CHD6: variants seen among roughly 807,000 people sequenced by gnomAD.
The protein encoded by CHD6 is chromodomain helicase DNA binding protein 6.
Under a neutral mutation model 276.9 loss-of-function variants are expected in CHD6, and 50 were observed. The observed-to-expected ratio is 0.18, with a 90% CI of 0.14 to 0.23. CHD6 has a LOEUF of 0.23. Ranked by LOEUF, CHD6 falls within the 10% of genes least tolerant of loss-of-function variation. The pLI, the probability that CHD6 is intolerant of heterozygous loss-of-function variation, is 1.00. For missense variants in CHD6, 2,564 were observed against 3,365.8 expected, an observed-to-expected ratio of 0.76 and a Z score of 5.89; for synonymous variants, 1,173 against 1,229.3, an observed-to-expected ratio of 0.95 and a Z score of 0.96.
rs751383314 is a variant in CHD6, at chr20:41,451,923, G to A, written c.3426C>T (p.Val1142=). 58 of 1,613,914 alleles carry A rather than the reference G, an allele frequency of 3.6e-5. 1 individual carries two copies. Among genetic ancestry groups the A allele is most frequent in the Non-Finnish European group, 1.7e-6 (2 of 1,179,986 alleles). The change falls in exon 22 of 37, where the codon GTC becomes GTT. Residue 1142 remains valine (V), a synonymous_variant. Transcript: ENST00000373233. ...MICRALLVYC[V]KHYKGDEKIK... Reference sequence around the variant, plus strand: ...TCTTCTCGTCCCCCTTATAATGCTTGACACAGTACACCAGGAGGGCACGGC... The same window carrying A: ...TCTTCTCGTCCCCCTTATAATGCTTAACACAGTACACCAGGAGGGCACGGC...
intron 1 of CHD6, among the ~76,000 whole-genome samples, chr20:41,592,565 C>T (rs1042681323): frequency 7.9e-5 from 12 of 152,156 alleles, no homozygotes; most frequent in East Asian, 7.7e-4. Flanking sequence ...TTAAAGACAA[C>T]GAGTACACAT....
intron 1 of CHD6, among the ~76,000 whole-genome samples, chr20:41,557,102 AT>A (rs1470811748): frequency 1.3e-5 from 2 of 152,260 alleles, no homozygotes; most frequent in Non-Finnish European, 2.9e-5. Flanking sequence ...AATACAGATA[AT>A]TCTACAGATA....
At chr20:41,457,231 C>A (rs746118747) in intron 18 of CHD6, 33 bp downstream of exon 18, 1 of 1,598,500 alleles carries the variant, frequency 6.3e-7, no homozygotes, top group Non-Finnish European at 8.6e-7. Context: ...ACCAATGTTC[C>A]TTAAGACTCC....
intron 1 of CHD6, among the ~76,000 whole-genome samples, chr20:41,594,597 A>G (rs566866690): frequency 5.3e-5 from 8 of 152,378 alleles, no homozygotes; most frequent in South Asian, 4.1e-4. Flanking sequence ...GCCAGAAACA[A>G]TAAGTTCCTC....
In CHD6 at chr20:41,514,818, G is replaced by C. The variant is rs1448348744; in HGVS notation, c.689C>G (p.Ser230Cys). 3.1e-6 allele frequency: 5 copies of C among 1,613,828 alleles called. No homozygotes were observed. Among genetic ancestry groups the C allele is most frequent in the Non-Finnish European group, 4.2e-6 (5 of 1,179,924 alleles). ...TCACAGCTGTACCTGGCTGTCTGTA[G>C]ACTCAGTGGACTCCTCAGGACTCCG... The part of the protein sequence containing the change: ...SLRSPEESTE[S>C]TDSQKRRSGR... The change falls in exon 4 of 37, where the codon TCT becomes TGT. Residue 230 changes from serine (S) to cysteine (C), a missense_variant. This residue lies in a region of CHD6 where 286 missense variants were observed against 297.8 expected (regional missense o/e 0.96). Transcript: ENST00000373233.
At position 41,447,757 on chromosome 20, in the gene CHD6, C is replaced by A. The variant is rs909883; in HGVS notation, c.3773+125G>T. ...TTGCCTGTTCTCCCATCTGGGACAC[C>A]GGTCCTGGGCAGGGGGTAGGAGGAA... is the stretch of plus-strand genomic sequence containing the variant. On this transcript the variant is annotated intron_variant, in intron 24 of 36. Coordinates refer to ENST00000373233, the MANE Select transcript of CHD6 (RefSeq NM_032221.5). 1.3e-5 allele frequency: 7 copies of A among 546,276 alleles called. No individual in the cohort carries two copies. The Admixed American group carries it at 1.9e-4, about 15-fold the overall frequency. 33.8% of individuals were successfully genotyped at this position (546,276 alleles called of 1,614,324 possible). A position where few individuals can be genotyped will look rare whatever the true frequency, so the allele number is the denominator to read the frequency against.
chr20:41,467,996 T>G (rs2042966719), intron 17 of CHD6, among the ~76,000 whole-genome samples: 2 of 152,158 alleles, frequency 1.3e-5, no homozygotes, highest in Admixed American at 1.3e-4. Context: ...ATATTCTTCC[T>G]TCTTATCTCA....
intron 16 of CHD6, among the ~76,000 whole-genome samples, chr20:41,481,781 A>C (rs903591413): frequency 2.2e-4 from 33 of 152,170 alleles, no homozygotes; most frequent in Non-Finnish European, 3.5e-4. Context: ...TGTTTAAAAT[A>C]GAGTATCACA....
rs372241713 is a variant in CHD6 at position 41,420,526 on chromosome 20, C to T, written c.6109G>A (p.Gly2037Arg). The T allele has an allele frequency of 4.3e-5, 69 of 1,610,942 alleles. No homozygotes were observed. Among genetic ancestry groups the T allele is most frequent in the African/African-American group, 1.9e-4 (14 of 74,776 alleles). The change falls in exon 31 of 37, where the codon GGA becomes AGA. Residue 2037 changes from glycine (G) to arginine (R), a missense_variant. Around this residue, in one of 7 missense-constraint regions of CHD6, gnomAD observed 1,024 missense variants for 1,047.9 expected, o/e 0.98. Transcript: ENST00000373233. ...ACTGTACCTTGACTATGGCAGTTTC[C>T]GTCTCTATCATAATCATCTTTATTC... ...FENKDDYDRD[G>R]NCHSQDYPGK... is the part of the protein sequence containing the mutation.
At chr20:41,576,772 C>G (rs1381797252) in intron 1 of CHD6, among the ~76,000 whole-genome samples, 1 of 152,186 alleles carries the variant, frequency 6.6e-6, no homozygotes. Flanking sequence ...CATCTTTTTC[C>G]ATTTTATCCC....
chr20:41,455,700 T>C, intron 19 of CHD6, 100 bp downstream of exon 19: 1 of 764,156 alleles, frequency 1.3e-6, no homozygotes, highest in African/African-American at 1.8e-5. Flanking sequence ...ATTTCTAGGA[T>C]TTGCATTCAG....
chr20:41,433,152 TG>T (rs1189580652), intron 27 of CHD6, among the ~76,000 whole-genome samples: 1 of 151,940 alleles, frequency 6.6e-6, no homozygotes, highest in Non-Finnish European at 1.5e-5. Flanking sequence ...TTCATTTTAT[TG>T]GTTTCCCAGA....
intron 5 of CHD6, among the ~76,000 whole-genome samples, chr20:41,501,196 C>G (rs2043821814): frequency 6.6e-6 from 1 of 152,170 alleles, no homozygotes. Context: ...ACTGGCCTTA[C>G]AGAAGTAAAT....
At chr20:41,448,746 T>C (rs564382250) in intron 23 of CHD6, among the ~76,000 whole-genome samples, 24 of 152,272 alleles carry the variant, frequency 1.6e-4, no homozygotes, top group Middle Eastern at 3.4e-3. Flanking sequence ...AAAGCATCAT[T>C]TCTACCTATT....
At chr20:41,523,867 G>A (rs557499691) in intron 3 of CHD6, among the ~76,000 whole-genome samples, 7 of 152,216 alleles carry the variant, frequency 4.6e-5, no homozygotes, top group South Asian at 2.1e-4. Context: ...CTCTGTCCCC[G>A]TGGACTCCAG....
At chr20:41,520,797 G>A (rs544843380) in intron 3 of CHD6, among the ~76,000 whole-genome samples, 55 of 151,864 alleles carry the variant, frequency 3.6e-4, no homozygotes, top group African/African-American at 1.1e-3. Flanking sequence ...TTCTGCACAC[G>A]TACCCTAAAA....
At chr20:41,487,829 T>C (rs1248640162) in intron 13 of CHD6, 21 bp from the exon 14 acceptor site, 2 of 1,604,410 alleles carry the variant, frequency 1.2e-6, no homozygotes, top group African/African-American at 1.4e-5. Flanking sequence ...TAAACATACA[T>C]GATGGACAGT....
chr20:41,466,797 T>G (rs917576400), intron 17 of CHD6, among the ~76,000 whole-genome samples: 1 of 152,168 alleles, frequency 6.6e-6, no homozygotes, highest in Non-Finnish European at 1.5e-5. Context: ...GCCAGAACCC[T>G]GACTCTTGTA....
intron 1 of CHD6, among the ~76,000 whole-genome samples, chr20:41,573,341 G>A (rs755777648): frequency 6.6e-6 from 1 of 152,230 alleles, no homozygotes; most frequent in Admixed American, 6.5e-5. Flanking sequence ...CTGGCACACA[G>A]AAGGTGCTCT....
Sources: allele counts gnomAD v4.1 joint callset (sites outside exome capture counted in the v4.1 genomes callset), GRCh38; gene constraint gnomAD v4.1.1; regional missense constraint gnomAD v4.1.1; transcripts MANE v1.5; gene names NCBI Gene and HGNC (gene_info 2026-07-23, HGNC 2026-07-21).